The following RNF168 variants were observed in gnomAD, a reference collection of about 807,000 sequenced individuals.
RNF168 encodes ring finger protein 168.
RNF168 carries 34 observed loss-of-function variants against 34.9 expected under a neutral mutation model. The observed-to-expected ratio is 0.97, with a 90% CI of 0.74 to 1.30. The LOEUF is 1.30. Ranked by LOEUF, RNF168 falls within the 50% of genes most tolerant of loss-of-function variation. The pLI is 0.00. For missense variants in RNF168, 725 were observed against 682.5 expected, an observed-to-expected ratio of 1.06 and a Z score of -0.69; for synonymous variants, 264 against 254.7, an observed-to-expected ratio of 1.04 and a Z score of -0.35.
rs1732952613 is a variant in RNF168, at chr3:196,503,357, G to A, written c.-184C>T. The A allele has an allele frequency of 4.7e-6, 3 of 640,414 alleles. No homozygotes were observed. The allele number at this position is 640,414 out of a possible 1,614,324, so 39.7% of individuals were successfully genotyped here. A position where few individuals can be genotyped will look rare whatever the true frequency, so the allele number is the denominator to read the frequency against. On this transcript the variant is annotated 5_prime_UTR_variant, in exon 1 of 6. Transcript: ENST00000318037. ...AGCAAAAAGGCGCTCTCAGGGTCAGGCAAACAGGAATACCCCGGAGGGCGG... is the reference window on the plus strand; with the variant it reads ...AGCAAAAAGGCGCTCTCAGGGTCAGACAAACAGGAATACCCCGGAGGGCGG...
At chr3:196,491,476 C>T (rs1577518928) in intron 1 of RNF168, among the ~76,000 whole-genome samples, 1 of 151,904 alleles carries the variant, frequency 6.6e-6, no homozygotes. Flanking sequence ...CGGTGAAACC[C>T]GTCTCTACCA....
Position 196,503,110 on chromosome 3 carries a change from T to G in RNF168, c.64A>C (p.Ile22Leu). The G allele has an allele frequency of 6.2e-7, 1 of 1,613,896 alleles. No homozygotes were observed. Among genetic ancestry groups the G allele is most frequent in the Non-Finnish European group, 8.5e-7 (1 of 1,179,954 alleles). Residue 22 changes from isoleucine (I) to leucine (L), a missense_variant, in exon 1 of 6, where the codon ATC (isoleucine) becomes CTC (leucine). Ile to Leu is a conservative substitution (Grantham distance 5). Coordinates refer to ENST00000318037, the MANE Select transcript of RNF168 (RefSeq NM_152617.4). ...SECQCGICME[I>L]LVEPVTLPCN... ...GGGAGGGTGACGGGCTCCACGAGGA[T>G]TTCCATGCAGATCCCGCACTGGCAC...
intron 5 of RNF168, among the ~76,000 whole-genome samples, chr3:196,473,549 GA>G (rs1185348457): frequency 2.0e-5 from 3 of 152,088 alleles, no homozygotes; most frequent in Non-Finnish European, 4.4e-5. Context: ...AAGTATAAAT[GA>G]TATTTAAAGA....
chr3:196,476,421 T>C (rs962756627), intron 4 of RNF168, among the ~76,000 whole-genome samples: 2 of 151,352 alleles, frequency 1.3e-5, no homozygotes, highest in Admixed American at 6.6e-5. Flanking sequence ...CTCTCTTCTT[T>C]TTTTTTTTTT....
At chr3:196,476,485 C>T (rs1461362719) in intron 4 of RNF168, among the ~76,000 whole-genome samples, 3 of 150,564 alleles carry the variant, frequency 2.0e-5, no homozygotes, top group South Asian at 2.1e-4. Context: ...GGTGCAATCT[C>T]GGCTCACTGC....
intron 5 of RNF168, 41 bp from the exon 6 acceptor site, chr3:196,472,813 T>C: frequency 8.3e-7 from 1 of 1,204,850 alleles, no homozygotes; most frequent in Non-Finnish European, 1.2e-6. Flanking sequence ...CAGGGGAAAA[T>C]ATCAAATCAT....
At chr3:196,485,557 A>C (rs1177471686) in intron 3 of RNF168, among the ~76,000 whole-genome samples, 1 of 152,120 alleles carries the variant, frequency 6.6e-6, no homozygotes, top group Non-Finnish European at 1.5e-5. Flanking sequence ...TACCATGGGA[A>C]AACTAGATAT....
intron 1 of RNF168, among the ~76,000 whole-genome samples, chr3:196,496,706 T>C (rs187384832): frequency 8.5e-5 from 13 of 152,316 alleles, no homozygotes; most frequent in African/African-American, 1.9e-4. Flanking sequence ...GGTAAGTTGA[T>C]TGAAAAATTT....
chr3:196,472,875 T>A, intron 5 of RNF168, 103 bp from the exon 6 acceptor site: 1 of 689,744 alleles, frequency 1.4e-6, no homozygotes, highest in South Asian at 1.6e-5. Flanking sequence ...CACTATACAT[T>A]ATTATTACTA....
chr3:196,475,951 C>A (rs4916431), intron 4 of RNF168, among the ~76,000 whole-genome samples: 75,315 of 151,266 alleles, frequency 0.5, 20,524 homozygotes, highest in Non-Finnish European at 0.61. Context: ...CCTCCGCCTC[C>A]CGGGTTTAAG....
intron 1 of RNF168, among the ~76,000 whole-genome samples, chr3:196,500,998 G>A (rs977183772): frequency 4.6e-5 from 7 of 152,090 alleles, no homozygotes; most frequent in African/African-American, 7.2e-5. Flanking sequence ...GGCGTGAGCC[G>A]CCGCGCCCGG....
In RNF168 at chr3:196,488,633, TTC is replaced by T. The variant is rs1423199445; in HGVS notation, c.350_351del (p.Arg117LysfsTer4). 2.5e-6 allele frequency: 4 copies of T among 1,607,370 alleles called. No individual in the cohort carries two copies. Among genetic ancestry groups the T allele is most frequent in the Non-Finnish European group, 3.4e-6 (4 of 1,174,138 alleles). On this transcript the variant is annotated frameshift_variant, in exon 2 of 6. Transcript: ENST00000318037. LOFTEE classifies it high-confidence loss of function. ...VRLLSKPGELRREYEEEISKV... is the reference protein window; with the variant it reads ...VRLLSKPGELXREYEEEISKV... ...TTGCTTATTTCCTCTTCATATTCTC[TTC>T]TCAGTTCCCCAGGTTTACTGAGCAG...
intron 1 of RNF168, among the ~76,000 whole-genome samples, chr3:196,491,034 G>A (rs1419592482): frequency 6.6e-6 from 1 of 152,216 alleles, no homozygotes; most frequent in African/African-American, 2.4e-5. Context: ...ATTAAAGTAA[G>A]CTGGGAGCGG....
intron 4 of RNF168, among the ~76,000 whole-genome samples, chr3:196,476,349 T>C (rs528641741): frequency 7.9e-5 from 12 of 152,248 alleles, no homozygotes; most frequent in African/African-American, 2.6e-4. Context: ...TGGGAAAAAG[T>C]CCATGATTAA....
chr3:196,502,910 G>A lies in RNF168; in HGVS notation c.264C>T (p.Cys88=). 1.9e-6 allele frequency: 3 copies of A among 1,614,092 alleles called. No homozygotes were observed. Among genetic ancestry groups the A allele is most frequent in the Non-Finnish European group, 2.5e-6 (3 of 1,179,946 alleles). ...TIIQKHYPRE[C]KLRASGQESE... is the part of the protein sequence containing the mutation. The stretch of plus-strand genomic sequence containing the variant: ...ATTCTTGGCCAGACGCTCTAAGCTT[G>A]CACTCCCTGGGATAGTGTTTTTGAA... The change falls in exon 1 of 6, where the codon TGC becomes TGT. Residue 88 remains cysteine, a synonymous_variant. Transcript: ENST00000318037.
At chr3:196,502,752 T>C in intron 1 of RNF168, 121 bp downstream of exon 1, 1 of 853,478 alleles carries the variant, frequency 1.2e-6, no homozygotes, top group Admixed American at 2.0e-5. Flanking sequence ...CTCTGAGAAC[T>C]ATTTAGACAA....
At chr3:196,501,571 A>C (rs1372791818) in intron 1 of RNF168, among the ~76,000 whole-genome samples, 1 of 152,166 alleles carries the variant, frequency 6.6e-6, no homozygotes, top group East Asian at 1.9e-4. Context: ...GGAAAGGTGA[A>C]ATGGGGAGTC....
chr3:196,488,277 C>A (rs1165241180), intron 2 of RNF168, among the ~76,000 whole-genome samples: 1 of 151,980 alleles, frequency 6.6e-6, no homozygotes, highest in Non-Finnish European at 1.5e-5. Context: ...GTCAGGAGAT[C>A]GAGACCATCC....
Position 196,503,548 on chromosome 3 carries a change from C to T in RNF168, c.-375G>A, listed in dbSNP as rs1266036031. ...CCCCTCACCCGGAAAGGATGCTCCG[C>T]TCAGCTCGGGGCAGCCGGGCCCCGG... On this transcript the variant is annotated 5_prime_UTR_variant, in exon 1 of 6. Coordinates refer to ENST00000318037, the MANE Select transcript of RNF168 (RefSeq NM_152617.4). The T allele has an allele frequency of 3.2e-6, 1 of 313,608 alleles. No individual in the cohort carries two copies. Among genetic ancestry groups the T allele is most frequent in the Non-Finnish European group, 6.2e-6 (1 of 161,042 alleles). 19.4% of individuals were successfully genotyped at this position (313,608 alleles called of 1,614,324 possible). A position where few individuals can be genotyped will look rare whatever the true frequency, so the allele number is the denominator to read the frequency against.
Sources: gnomAD v4.1 joint callset for allele counts (sites outside exome capture counted in the v4.1 genomes callset) on GRCh38, gnomAD v4.1.1 for gene constraint, MANE v1.5 for transcripts, NCBI Gene and HGNC (gene_info 2026-07-23, HGNC 2026-07-21) for gene names.